The following COL4A3 variants were observed in gnomAD, a reference collection of about 807,000 sequenced individuals.
The protein encoded by COL4A3 is collagen alpha-3(IV) chain.
COL4A3 carries 135 observed loss-of-function variants against 217.4 expected under a neutral mutation model. The ratio of observed to expected loss-of-function variants is 0.62; its 90% confidence interval spans 0.54 to 0.72. COL4A3 has a LOEUF of 0.72. COL4A3 is among the 30% of genes least tolerant of loss of function. The probability of loss-of-function intolerance (pLI) is 0.00; values close to 1 mark genes in which losing one functional copy is unlikely to be tolerated. For missense variants in COL4A3, 1,868 were observed against 2,119.9 expected, an observed-to-expected ratio of 0.88 and a Z score of 2.33; for synonymous variants, 690 against 736.3, an observed-to-expected ratio of 0.94 and a Z score of 1.02.
chr2:227,226,712 T>C (rs2068114285), intron 1 of COL4A3, among the ~76,000 whole-genome samples: 1 of 152,132 alleles, frequency 6.6e-6, no homozygotes, highest in Non-Finnish European at 1.5e-5. Context: ...TCAGGTGATC[T>C]ACCTGCCTCG....
intron 44 of COL4A3, 91 bp downstream of exon 44, chr2:227,303,201 G>C (rs1229232504): frequency 9.2e-7 from 1 of 1,090,980 alleles, no homozygotes; most frequent in African/African-American, 1.5e-5. Flanking sequence ...AGTACAGACA[G>C]CTGGGGTTAG....
intron 1 of COL4A3, among the ~76,000 whole-genome samples, chr2:227,223,600 C>T (rs11902088): frequency 0.45 from 68,525 of 151,608 alleles, 16,736 homozygotes; most frequent in Non-Finnish European, 0.56. Context: ...AAAAATTAGC[C>T]GGGCATGATT....
intron 51 of COL4A3, 90 bp downstream of exon 51, chr2:227,311,038 A>AT: frequency 7.3e-7 from 1 of 1,376,468 alleles, no homozygotes. Context: ...AGTAGCCATG[A>AT]TTTTGTACTA....
At chr2:227,294,932 T>G (rs763226820) in intron 39 of COL4A3, 32 bp from the exon 40 acceptor site, 2 of 1,450,838 alleles carry the variant, frequency 1.4e-6, no homozygotes, top group South Asian at 1.2e-5. Context: ...TACCATAGTT[T>G]GGGGTTTTTG....
At chr2:227,224,228 GGA>G (rs752095875) in intron 1 of COL4A3, among the ~76,000 whole-genome samples, 1 of 152,166 alleles carries the variant, frequency 6.6e-6, no homozygotes, top group Non-Finnish European at 1.5e-5. Flanking sequence ...TTATAACAAT[GGA>G]GAGTGTAGCT....
chr2:227,302,808 T>C (rs945764730), intron 43 of COL4A3, among the ~76,000 whole-genome samples: 1 of 151,872 alleles, frequency 6.6e-6, no homozygotes, highest in Non-Finnish European at 1.5e-5. Flanking sequence ...TGTTTGCTGT[T>C]GGGCTTAAGG....
intron 34 of COL4A3, among the ~76,000 whole-genome samples, chr2:227,286,312 CA>C (rs56014104): frequency 8.3e-6 from 1 of 120,814 alleles, no homozygotes; most frequent in Admixed American, 1.0e-4. Flanking sequence ...GCCAACATGG[CA>C]AAACCCCATC....
chr2:227,164,677 G>A lies in COL4A3; in HGVS notation c.-50G>A, dbSNP rs1332850112. ...CGCTGCGCAGGAGACGCGGTGGCCT[G>A]AGAGCCTGAGGGTCCCCGGACTCGC... On this transcript the variant is annotated 5_prime_UTR_variant, in exon 1 of 52. Transcript: ENST00000396578. The surrounding 1 kb of genome is among the most constrained non-coding windows in gnomAD (Gnocchi z 4.8). The A allele has an allele frequency of 2.6e-6, 4 of 1,529,532 alleles. No homozygotes were observed. Among genetic ancestry groups the A allele is most frequent in the Non-Finnish European group, 3.5e-6 (4 of 1,144,466 alleles). 94.7% of individuals were successfully genotyped at this position (1,529,532 alleles called of 1,614,324 possible). A position where few individuals can be genotyped will look rare whatever the true frequency, so the allele number is the denominator to read the frequency against.
chr2:227,177,502 A>G (rs1370610962), intron 1 of COL4A3, among the ~76,000 whole-genome samples: 6 of 152,114 alleles, frequency 3.9e-5, no homozygotes. Flanking sequence ...ACTTTATTGT[A>G]GATTGGTACC....
At chr2:227,167,036 G>A (rs1168360807) in intron 1 of COL4A3, among the ~76,000 whole-genome samples, 1 of 152,226 alleles carries the variant, frequency 6.6e-6, no homozygotes, top group Non-Finnish European at 1.5e-5. Context: ...CACTTCAAGA[G>A]AGAAGTTGGG....
chr2:227,185,353 G>T (rs1559802744), intron 1 of COL4A3, among the ~76,000 whole-genome samples: 1 of 152,160 alleles, frequency 6.6e-6, no homozygotes, highest in Non-Finnish European at 1.5e-5. Flanking sequence ...GCTTTTCGCA[G>T]TTACCCCAAG....
intron 1 of COL4A3, among the ~76,000 whole-genome samples, chr2:227,178,873 A>G (rs1327990533): frequency 6.6e-6 from 1 of 151,762 alleles, no homozygotes; most frequent in African/African-American, 2.4e-5. Context: ...TCATCAAATT[A>G]GTAGAGAAAG....
intron 1 of COL4A3, among the ~76,000 whole-genome samples, chr2:227,184,290 C>T (rs537901696): frequency 1.6e-4 from 24 of 152,214 alleles, no homozygotes; most frequent in Non-Finnish European, 2.9e-4. Flanking sequence ...CAAGGGAATG[C>T]GGAGACTGAG....
intron 43 of COL4A3, among the ~76,000 whole-genome samples, chr2:227,299,758 G>A (rs1424998268): frequency 2.0e-5 from 3 of 152,142 alleles, no homozygotes; most frequent in South Asian, 2.1e-4. Context: ...GGAATGATTT[G>A]GCCTCTAAGA....
At chr2:227,194,933 T>C (rs2066411542) in intron 1 of COL4A3, among the ~76,000 whole-genome samples, 1 of 152,072 alleles carries the variant, frequency 6.6e-6, no homozygotes, top group South Asian at 2.1e-4. Context: ...TTTGAAAACA[T>C]GAATGAACTT....
In COL4A3 at chr2:227,270,865, G is replaced by T. The variant is rs1396250551; in HGVS notation, c.1671G>T (p.Gly557=). 1 of 1,614,202 alleles carries T rather than the reference G, an allele frequency of 6.2e-7. No individual in the cohort carries two copies. The highest frequency in any genetic ancestry group is 8.5e-7 in the Non-Finnish European group (1 of 1,180,028). The stretch of plus-strand genomic sequence containing the variant: ...AAGTGGGTGTCCCAGGTGACCCGGG[G>T]CTCAGAGGCCAACCTGGGAGAAAGG... ...EGQVGVPGDP[G]LRGQPGRKGL... is the part of the protein sequence containing the mutation. Residue 557 remains glycine, a synonymous_variant, in exon 25 of 52, where the codon GGG becomes GGT. Transcript: ENST00000396578.
At chr2:227,308,031 C>A in intron 48 of COL4A3, 112 bp downstream of exon 48, 1 of 912,720 alleles carries the variant, frequency 1.1e-6, no homozygotes, top group East Asian at 2.5e-5. Context: ...TGAGTGTCTC[C>A]TGATACATTT....
chr2:227,213,391 G>A (rs1374031862), intron 1 of COL4A3, among the ~76,000 whole-genome samples: 1 of 152,010 alleles, frequency 6.6e-6, no homozygotes, highest in Non-Finnish European at 1.5e-5. Flanking sequence ...AGGTTTTGTG[G>A]GCTAAGAGGC....
intron 26 of COL4A3, among the ~76,000 whole-genome samples, chr2:227,274,277 T>TA (rs1293972346): frequency 3.8e-5 from 3 of 78,602 alleles, no homozygotes; most frequent in Non-Finnish European, 1.1e-4. Flanking sequence ...AAATAAATTT[T>TA]AAAAATCACT....
Sources: gnomAD v4.1 joint callset for allele counts (sites outside exome capture counted in the v4.1 genomes callset) on GRCh38, gnomAD v4.1.1 for gene constraint, Gnocchi (gnomAD v3.1) non-coding constraint, MANE v1.5 for transcripts, NCBI Gene and HGNC (gene_info 2026-07-23, HGNC 2026-07-21) for gene names.